ALDH1A2: variants seen among roughly 807,000 people sequenced by gnomAD.
ALDH1A2 encodes the protein aldehyde dehydrogenase 1 family member A2, also known as retinal dehydrogenase 2.
In ALDH1A2, 27 loss-of-function variants were observed where a neutral mutation model predicts 60.3. The ratio of observed to expected loss-of-function variants is 0.45; its 90% CI spans 0.33 to 0.62. The LOEUF is 0.62. Among genes scored for constraint, ALDH1A2 ranks in the 20% least tolerant of loss-of-function variants. ALDH1A2 has a pLI of 0.02. For missense variants in ALDH1A2, 581 were observed against 643.8 expected (o/e 0.90, Z 1.06); for synonymous variants, 289 against 232.4 (o/e 1.24, Z -2.21).
At chr15:58,003,067 T>G (rs1010409706) in intron 4 of ALDH1A2, among the ~76,000 whole-genome samples, 2 of 151,954 alleles carry the variant, frequency 1.3e-5, no homozygotes, top group Non-Finnish European at 2.9e-5. Context: ...GTCATGAAGA[T>G]AGCTTAGCTC....
At chr15:57,990,323 A>G (rs1467008127) in intron 7 of ALDH1A2, 1 of 152,216 alleles carries the variant, frequency 6.6e-6, no homozygotes, top group Non-Finnish European at 1.5e-5. Context: ...ACGTATATAC[A>G]TATGTGTATA....
chr15:57,956,859 ACTCT>A (rs1893544669), intron 12 of ALDH1A2, among the ~76,000 whole-genome samples: 2 of 151,952 alleles, frequency 1.3e-5, no homozygotes. Context: ...CCCCCATGTG[ACTCT>A]CTAACTAGGT....
intron 1 of ALDH1A2, among the ~76,000 whole-genome samples, chr15:58,055,769 CTTAAG>C (rs1440433742): frequency 6.6e-6 from 1 of 152,006 alleles, no homozygotes; most frequent in East Asian, 1.9e-4. Context: ...GGGTTTAGAA[CTTAAG>C]TTAAAATGTT....
At chr15:57,988,321 G>C (rs1894778622) in intron 7 of ALDH1A2, among the ~76,000 whole-genome samples, 1 of 152,070 alleles carries the variant, frequency 6.6e-6, no homozygotes, top group Non-Finnish European at 1.5e-5. Context: ...TTTAAAAAGA[G>C]GTACAGCTAA....
chr15:58,009,055 C>A (rs372212448), intron 4 of ALDH1A2, among the ~76,000 whole-genome samples: 19 of 152,218 alleles, frequency 1.2e-4, no homozygotes, highest in African/African-American at 3.9e-4. Flanking sequence ...CCCCTACAAT[C>A]AGAAACCCAT....
chr15:58,034,025 T>C (rs1409608769), intron 1 of ALDH1A2, among the ~76,000 whole-genome samples: 2 of 151,702 alleles, frequency 1.3e-5, no homozygotes, highest in Admixed American at 1.3e-4. Context: ...ATCTACAAAA[T>C]AACTTACTAG....
intron 1 of ALDH1A2, among the ~76,000 whole-genome samples, chr15:58,014,709 C>T (rs920371778): frequency 2.6e-5 from 4 of 152,214 alleles, no homozygotes; most frequent in Non-Finnish European, 2.9e-5. Flanking sequence ...CTCAAGGAAA[C>T]TTGAATGGTG....
chr15:58,000,688 G>A (rs1449196991), intron 4 of ALDH1A2, among the ~76,000 whole-genome samples: 2 of 151,836 alleles, frequency 1.3e-5, no homozygotes, highest in African/African-American at 2.4e-5. Flanking sequence ...GTGCTACACG[G>A]GATGCTATAT....
intron 1 of ALDH1A2, among the ~76,000 whole-genome samples, chr15:58,026,479 T>C (rs963479990): frequency 6.6e-6 from 1 of 152,156 alleles, no homozygotes. Flanking sequence ...TTTCTGCATT[T>C]CCAACTAAGG....
intron 7 of ALDH1A2, among the ~76,000 whole-genome samples, chr15:57,968,105 G>A (rs1204677037): frequency 1.3e-5 from 2 of 152,126 alleles, no homozygotes; most frequent in Non-Finnish European, 2.9e-5. Flanking sequence ...GTGCTTGCTC[G>A]CTCCACTCTG....
chr15:58,063,496 T>G (rs1181387159), intron 1 of ALDH1A2, among the ~76,000 whole-genome samples: 6 of 152,112 alleles, frequency 3.9e-5, no homozygotes, highest in Non-Finnish European at 5.9e-5. Context: ...ATTTTTCCTT[T>G]AAGTAAAAAA....
chr15:57,973,142 G>A (rs1230792540), intron 7 of ALDH1A2, among the ~76,000 whole-genome samples: 1 of 152,168 alleles, frequency 6.6e-6, no homozygotes, highest in Non-Finnish European at 1.5e-5. Flanking sequence ...TGAGATCATT[G>A]TTTGTTAACC....
intron 7 of ALDH1A2, among the ~76,000 whole-genome samples, chr15:57,967,062 C>T (rs1290538436): frequency 6.6e-6 from 1 of 152,186 alleles, no homozygotes; most frequent in Non-Finnish European, 1.5e-5. Flanking sequence ...GCTACATTCA[C>T]TTTCAACTCC....
chr15:58,008,664 C>A (rs958378418), intron 4 of ALDH1A2, among the ~76,000 whole-genome samples: 16 of 152,074 alleles, frequency 1.1e-4, no homozygotes, highest in African/African-American at 3.6e-4. Flanking sequence ...TATTTAAACA[C>A]CTGAAACATA....
At chr15:57,969,406 G>A (rs1008177609) in intron 7 of ALDH1A2, among the ~76,000 whole-genome samples, 3 of 152,270 alleles carry the variant, frequency 2.0e-5, no homozygotes, top group Middle Eastern at 6.8e-3. Context: ...ACAGGTTTCC[G>A]AAGTCAAAGC....
At chr15:58,009,932 CTGCTTTAGT>C (rs1895576712) in intron 4 of ALDH1A2, among the ~76,000 whole-genome samples, 1 of 152,092 alleles carries the variant, frequency 6.6e-6, no homozygotes, top group South Asian at 2.1e-4. Flanking sequence ...TCTTCACTGA[CTGCTTTAGT>C]TGCTTTAGTC....
intron 1 of ALDH1A2, among the ~76,000 whole-genome samples, chr15:58,039,457 T>G (rs1243261421): frequency 6.6e-6 from 1 of 151,822 alleles, no homozygotes; most frequent in Non-Finnish European, 1.5e-5. Context: ...GAGAGTTCAT[T>G]GTTCAACCTC....
At chr15:57,961,824 C>T (rs1203427966) in intron 10 of ALDH1A2, among the ~76,000 whole-genome samples, 188 bp downstream of exon 10, 1 of 152,160 alleles carries the variant, frequency 6.6e-6, no homozygotes, top group African/African-American at 2.4e-5. Context: ...CTGGCCTCCA[C>T]CTAGCTTGCT....
At chr15:58,055,108 G>A (rs1595694487) in intron 1 of ALDH1A2, among the ~76,000 whole-genome samples, 1 of 152,050 alleles carries the variant, frequency 6.6e-6, no homozygotes, top group African/African-American at 2.4e-5. Flanking sequence ...TGTCTTTGTA[G>A]TGGTTATTAT....
Sources: gnomAD v4.1 joint callset for allele counts (sites outside exome capture counted in the v4.1 genomes callset) on GRCh38, gnomAD v4.1.1 for gene constraint, MANE v1.5 for transcripts, NCBI Gene and HGNC (gene_info 2026-07-23, HGNC 2026-07-21) for gene names.